Variants in RGPD1 observed in about 807,000 individuals in gnomAD.
RGPD1 encodes the protein RANBP2-like and GRIP domain-containing protein 1.
A neutral mutation model predicts 40.6 loss-of-function variants in RGPD1; 7 were observed. That is an observed-to-expected ratio of 0.17 (90% CI 0.10 to 0.32). The LOEUF is 0.32. RGPD1 is among the 10% of genes least tolerant of loss of function. The pLI is 1.00. For missense variants in RGPD1, 50 were observed against 472.5 expected (o/e 0.11, Z 8.29); for synonymous variants, 24 against 167.0 (o/e 0.14, Z 6.60).
chr2:86,940,685 T>A (rs1427172994), upstream of RGPD1, among the ~76,000 whole-genome samples: 2 of 152,066 alleles, frequency 1.3e-5, no homozygotes, highest in Non-Finnish European at 2.9e-5. Context: ...AGTCTCCAAC[T>A]CCTGGGCTAA....
chr2:86,941,629 CAGTATTGGAGGGGCCTGCATAT>C (rs1679756161), upstream of RGPD1, among the ~76,000 whole-genome samples: 1 of 151,706 alleles, frequency 6.6e-6, no homozygotes, highest in African/African-American at 2.4e-5. Flanking sequence ...ACAGAAAATA[CAGTATTGGAGGGGCCTGCATAT>C]AGAGAGGTCT....
intron 1 of RGPD1, among the ~76,000 whole-genome samples, chr2:86,945,414 G>A (rs374465681): frequency 6.6e-6 from 1 of 152,176 alleles, no homozygotes; most frequent in Admixed American, 6.5e-5. Flanking sequence ...GGGAGAAGAG[G>A]CAGTGGCTGT....
Position 86,957,681 on chromosome 2 carries a change from ATTTTTC to A in RGPD1, c.403-18_403-13del. On this transcript the variant is annotated intron_variant, in intron 4 of 22. Coordinates refer to ENST00000641458, the MANE Select transcript of RGPD1 (RefSeq NM_001382344.1). ...AAATTGCACAAGTGTTACTCTAATA[ATTTTTC>A]TTTTTCCCCTCTAAATAGGAACATC... 2.6e-6 allele frequency: 1 copy of A among 387,580 alleles called. No individual in the cohort carries two copies. The highest frequency in any genetic ancestry group is 3.9e-5 in the Admixed American group (1 of 25,414). 24.0% of individuals were successfully genotyped at this position (387,580 alleles called of 1,614,324 possible).
chr2:86,944,065 A>G (rs1370150181), intron 1 of RGPD1, among the ~76,000 whole-genome samples: 1 of 152,132 alleles, frequency 6.6e-6, no homozygotes, highest in Non-Finnish European at 1.5e-5. Flanking sequence ...CATGATTATA[A>G]TAGTAGCATA....
At chr2:86,925,596 A>G (rs1678426246) in intron 1 of RGPD1, among the ~76,000 whole-genome samples, 1 of 152,214 alleles carries the variant, frequency 6.6e-6, no homozygotes, top group South Asian at 2.1e-4. Flanking sequence ...ACATTTTCAA[A>G]AATTAAGGCA....
At chr2:87,000,526 A>G (rs1396603826) in intron 22 of RGPD1, among the ~76,000 whole-genome samples, 2 of 96,136 alleles carry the variant, frequency 2.1e-5, no homozygotes, top group African/African-American at 1.1e-4. Context: ...AAACACATTT[A>G]AATTAGTTTG....
chr2:86,938,436 T>A (rs1679480804), upstream of RGPD1, among the ~76,000 whole-genome samples: 1 of 91,866 alleles, frequency 1.1e-5, no homozygotes, highest in Non-Finnish European at 2.0e-5. Context: ...ACTAGTTTGG[T>A]GGGGGTAAGG....
intron 1 of RGPD1, among the ~76,000 whole-genome samples, chr2:86,914,203 T>TC (rs1227717527): frequency 3.2e-5 from 1 of 31,414 alleles, no homozygotes; most frequent in Non-Finnish European, 6.8e-5. Flanking sequence ...GGCCTCGGCC[T>TC]GGCCGGGCGG....
At chr2:86,942,895 C>T (rs959333553) in intron 1 of RGPD1, among the ~76,000 whole-genome samples, 2 of 152,002 alleles carry the variant, frequency 1.3e-5, no homozygotes, top group African/African-American at 4.8e-5. Flanking sequence ...CTCTTTCTCC[C>T]GGTTTGTTCC....
intron 1 of RGPD1, chr2:86,913,996 CGGCCTCGGCCTCGGCCTGGCCG>C (rs1677578832): frequency 1.3e-6 from 1 of 743,658 alleles, no homozygotes; most frequent in African/African-American, 3.9e-5. Flanking sequence ...GCGGCGGCGG[CGGCCTCGGCCTCGGCCTGGCCG>C]GGCGGCGGCG....
In RGPD1 at chr2:87,013,504, A is replaced by G. The variant is rs532457704; in HGVS notation, c.*957A>G. ...TGATACATGGATACATGTTACATACATGATGAGACAGAGTAAGAGAATGGG... is the reference window on the plus strand; with the variant it reads ...TGATACATGGATACATGTTACATACGTGATGAGACAGAGTAAGAGAATGGG... On this transcript the variant is annotated 3_prime_UTR_variant, in exon 23 of 23. Coordinates refer to ENST00000641458, the MANE Select transcript of RGPD1 (RefSeq NM_001382344.1). 191 of 124,602 alleles carry G rather than the reference A, an allele frequency of 1.5e-3. 47 individuals are homozygous for G. The highest frequency in any genetic ancestry group is 6.5e-3 in the African/African-American group (179 of 27,404). 7.7% of individuals were successfully genotyped at this position (124,602 alleles called of 1,614,324 possible).
upstream of RGPD1, among the ~76,000 whole-genome samples, chr2:86,938,265 GT>G (rs1202054484): frequency 5.0e-5 from 5 of 99,158 alleles, no homozygotes; most frequent in African/African-American, 2.8e-4. Flanking sequence ...AAGAGGAACT[GT>G]TTATGAAACT....
chr2:86,943,991 G>A (rs1292254453), intron 1 of RGPD1, among the ~76,000 whole-genome samples: 1 of 151,832 alleles, frequency 6.6e-6, no homozygotes, highest in Non-Finnish European at 1.5e-5. Flanking sequence ...TCCAGCCTGG[G>A]CGACAGAGGG....
At chr2:86,942,449 C>T (rs537585822) in intron 1 of RGPD1, 141 bp downstream of exon 1, 7,698 of 743,996 alleles carry the variant, frequency 0.01, 815 homozygotes, top group Middle Eastern at 0.025. Flanking sequence ...TGCTCCCTGG[C>T]GCGCTCTGTT....
upstream of RGPD1, among the ~76,000 whole-genome samples, chr2:86,941,243 TTAA>T (rs1367167049): frequency 1.3e-5 from 2 of 150,316 alleles, no homozygotes; most frequent in Non-Finnish European, 3.0e-5. Context: ...AAGTAAGATT[TTAA>T]TATCCAAATT....
chr2:86,913,787 T>C (rs1043873109), upstream of RGPD1: 144 of 1,456,996 alleles, frequency 9.9e-5, 3 homozygotes, highest in African/African-American at 1.6e-3. Context: ...CCTGTTGGAA[T>C]TGGCGACTGC....
chr2:86,931,009 T>C (rs1432014281), intron 1 of RGPD1, among the ~76,000 whole-genome samples: 2 of 114,284 alleles, frequency 1.8e-5, no homozygotes, highest in Non-Finnish European at 3.5e-5. Flanking sequence ...ATTCTTTCAC[T>C]GTAGAATGCT....
At chr2:87,009,283 C>A (rs1171927335) in intron 22 of RGPD1, among the ~76,000 whole-genome samples, 4 of 8,444 alleles carry the variant, frequency 4.7e-4, no homozygotes, top group African/African-American at 5.4e-4. Context: ...CCAGCCTGGG[C>A]AACAGAGCAA....
chr2:86,931,853 A>G (rs1358424077), intron 1 of RGPD1, among the ~76,000 whole-genome samples: 6 of 148,860 alleles, frequency 4.0e-5, no homozygotes, highest in African/African-American at 1.5e-4. Context: ...AATATTTTAC[A>G]TATATCAGAG....
Sources: allele counts gnomAD v4.1 joint callset (sites outside exome capture counted in the v4.1 genomes callset), GRCh38; gene constraint gnomAD v4.1.1; transcripts MANE v1.5; gene names NCBI Gene and HGNC (gene_info 2026-07-23, HGNC 2026-07-21).